The following ZNF365 variants were observed in gnomAD, a reference collection of about 807,000 sequenced individuals.
ZNF365 encodes protein ZNF365.
In ZNF365, 22 loss-of-function variants were observed where a neutral mutation model predicts 35.0. That is an observed-to-expected ratio of 0.63 (90% CI 0.45 to 0.90). The LOEUF is 0.90. Ranked by LOEUF, ZNF365 falls within the 40% of genes least tolerant of loss-of-function variation. ZNF365 has a pLI of 0.00. For synonymous variants in ZNF365, 188 were observed against 196.2 expected (o/e 0.96, Z 0.35); for missense variants, 448 against 500.3 (o/e 0.90, Z 1.00).
At chr10:62,454,054 T>G (rs1840725301) in intron 3 of ZNF365, among the ~76,000 whole-genome samples, 3 of 152,284 alleles carry the variant, frequency 2.0e-5, no homozygotes, top group Admixed American at 2.0e-4. Flanking sequence ...CTTTTTTCAT[T>G]TTTTCCTTTT....
intron 3 of ZNF365, among the ~76,000 whole-genome samples, chr10:62,397,186 G>A (rs1380718476): frequency 2.0e-5 from 3 of 152,170 alleles, no homozygotes; most frequent in East Asian, 3.9e-4. Context: ...TAGCCTGCAT[G>A]AGCAGGCTCA....
At chr10:62,454,421 C>T (rs538236268) in intron 3 of ZNF365, among the ~76,000 whole-genome samples, 1 of 152,314 alleles carries the variant, frequency 6.6e-6, no homozygotes, top group South Asian at 2.1e-4. Flanking sequence ...CACAGTGACA[C>T]CTTTGGACAC....
intron 3 of ZNF365, among the ~76,000 whole-genome samples, chr10:62,449,237 CTCTT>C (rs1840639699): frequency 6.6e-6 from 1 of 152,030 alleles, no homozygotes; most frequent in East Asian, 1.9e-4. Flanking sequence ...TTCCTTTTCT[CTCTT>C]TGTCTCAAAC....
intron 4 of ZNF365, among the ~76,000 whole-genome samples, chr10:62,465,054 T>A (rs1030002777): frequency 1.3e-5 from 2 of 152,194 alleles, no homozygotes; most frequent in African/African-American, 4.8e-5. Context: ...CAGCTCCAGA[T>A]CCAAGCATCC....
downstream of ZNF365, among the ~76,000 whole-genome samples, chr10:62,402,936 C>T (rs1457331707): frequency 2.0e-5 from 3 of 152,152 alleles, no homozygotes; most frequent in East Asian, 5.8e-4. Context: ...ATTTAGGGAA[C>T]TCCATTTGTT....
chr10:62,455,591 T>G (rs1840749356), intron 3 of ZNF365, among the ~76,000 whole-genome samples: 1 of 151,798 alleles, frequency 6.6e-6, no homozygotes, highest in East Asian at 1.9e-4. Flanking sequence ...TATTTATATT[T>G]AAATACTGAT....
At chr10:62,414,920 T>C (rs1840049115) in intron 3 of ZNF365, among the ~76,000 whole-genome samples, 1 of 152,196 alleles carries the variant, frequency 6.6e-6, no homozygotes, top group Non-Finnish European at 1.5e-5. Context: ...TTGAATATTT[T>C]CTATTGACCA....
intron 3 of ZNF365, 110 bp from the exon 4 acceptor site, chr10:62,398,630 A>T: frequency 1.1e-6 from 1 of 946,006 alleles, no homozygotes; most frequent in Non-Finnish European, 1.6e-6. Context: ...AGTAGCAGTC[A>T]CTGACTCCCT....
At chr10:62,468,950 C>T (rs1564601859) in intron 4 of ZNF365, among the ~76,000 whole-genome samples, 3 of 152,200 alleles carry the variant, frequency 2.0e-5, no homozygotes, top group Non-Finnish European at 2.9e-5. Context: ...TCCTGAAACA[C>T]TTCTTTGAAG....
At chr10:62,439,744 T>C (rs1000258015) in intron 3 of ZNF365, among the ~76,000 whole-genome samples, 1 of 152,248 alleles carries the variant, frequency 6.6e-6, no homozygotes, top group Non-Finnish European at 1.5e-5. Context: ...ATGACCATCC[T>C]CCAGCTTCTT....
chr10:62,437,276 G>C (rs963948955), intron 3 of ZNF365, among the ~76,000 whole-genome samples: 1 of 152,098 alleles, frequency 6.6e-6, no homozygotes, highest in Non-Finnish European at 1.5e-5. Flanking sequence ...GTAGCAGTTT[G>C]GCTGAATTTA....
rs763554756 is a variant in ZNF365 at position 62,399,525 on chromosome 10, T to C, written c.963-3T>C. The stretch of plus-strand genomic sequence containing the variant: ...CTCCACTCCCCCCTCCAACCCTCTG[T>C]AGAAGCCGAGGGCACCCGCATTCGG... On this transcript the variant is annotated splice_polypyrimidine_tract_variant and splice_region_variant and intron_variant, in intron 4 of 4. Coordinates refer to ENST00000395254, the MANE Select transcript of ZNF365 (RefSeq NM_014951.3). 5 of 1,613,744 alleles carry C rather than the reference T, an allele frequency of 3.1e-6. No homozygotes were observed. In the South Asian group the frequency reaches 3.3e-5, roughly 11 times the overall value.
rs570545435 is a variant in ZNF365 at position 62,388,924 on chromosome 10, TATC to T, written c.924+351_924+353del. Among the ~76,000 whole-genome samples, 31 of 152,324 alleles carry T rather than the reference TATC, an allele frequency of 2.0e-4. 2 individuals are homozygous for T. The South Asian group carries it at 4.8e-3, about 23-fold the overall frequency. On this transcript the variant is annotated intron_variant, in intron 3 of 4. Coordinates refer to ENST00000395254, the MANE Select transcript of ZNF365 (RefSeq NM_014951.3). The stretch of plus-strand genomic sequence containing the variant: ...GATGTTCAAGTAGCTCAGAAGTTAT[TATC>T]ATGTTTTGGAGGTCTTCAAGAGAAT...
intron 4 of ZNF365, among the ~76,000 whole-genome samples, chr10:62,469,746 A>T (rs1026232803): frequency 6.6e-6 from 1 of 152,174 alleles, no homozygotes; most frequent in South Asian, 2.1e-4. Flanking sequence ...CACTTTATAG[A>T]AACTATCTCA....
rs1437042767 is a variant in ZNF365 at position 62,402,327 on chromosome 10, G to T, written c.*2538G>T. On this transcript the variant is annotated 3_prime_UTR_variant, in exon 5 of 5. Transcript: ENST00000395254. Reference sequence around the variant, plus strand: ...TTATCTGCAAGGTTCAAGTTGCTTAGACATTGTTTTCCAGTATTCTGCAGG... The same window carrying T: ...TTATCTGCAAGGTTCAAGTTGCTTATACATTGTTTTCCAGTATTCTGCAGG... 9.1e-6 allele frequency: 9 copies of T among 985,432 alleles called. No individual in the cohort carries two copies. Among genetic ancestry groups the T allele is most frequent in the South Asian group, 9.4e-5 (2 of 21,288 alleles). 61.0% of individuals were successfully genotyped at this position (985,432 alleles called of 1,614,324 possible). A position where few individuals can be genotyped will look rare whatever the true frequency, so the allele number is the denominator to read the frequency against.
At chr10:62,428,088 A>C (rs1433977632) in intron 3 of ZNF365, among the ~76,000 whole-genome samples, 1 of 152,148 alleles carries the variant, frequency 6.6e-6, no homozygotes, top group Non-Finnish European at 1.5e-5. Flanking sequence ...TATAGTGTTG[A>C]TCCTACGTGA....
Position 62,376,491 on chromosome 10 carries a change from A to T in ZNF365, c.298A>T (p.Asn100Tyr). The change falls in exon 2 of 5, where the codon AAC (asparagine) becomes TAC (tyrosine). Residue 100 changes from asparagine (N) to tyrosine (Y), a missense_variant. Physicochemically the swap from Asn to Tyr is moderately radical, Grantham distance 143 (BLOSUM62 -2). Around this residue, in one of 3 missense-constraint regions of ZNF365, gnomAD observed 10 missense variants for 27.9 expected, o/e 0.36. Transcript: ENST00000395254. Reference sequence around the variant, plus strand: ...GGTAAAGCAGAAACCGAGCTATGTTAACTTGTACAGCATTTCACATGAACA... The same window carrying T: ...GGTAAAGCAGAAACCGAGCTATGTTTACTTGTACAGCATTTCACATGAACA... Reference protein sequence around the residue: ...NVVKQKPSYVNLYSISHEHSK... With the variant: ...NVVKQKPSYVYLYSISHEHSK... 6.2e-7 allele frequency: 1 copy of T among 1,614,158 alleles called. No homozygotes were observed. Among genetic ancestry groups the T allele is most frequent in the Non-Finnish European group, 8.5e-7 (1 of 1,180,042 alleles).
rs531784072 is a variant in ZNF365 at position 62,449,767 on chromosome 10, A to G, written c.925-9974A>G. On this transcript the variant is annotated intron_variant, in intron 3 of 4. Transcript: ENST00000395255. ...CCTCAAAGTAGTTCCTCAATCTCCA[A>G]ATCTTCCCAGTTGGTCAACTTTTTT... 2.6e-5 allele frequency among the ~76,000 whole-genome samples: 4 copies of G among 151,234 alleles called. No individual in the cohort carries two copies. The South Asian group carries it at 8.4e-4, about 32-fold the overall frequency.
intron 3 of ZNF365, among the ~76,000 whole-genome samples, chr10:62,410,536 G>T (rs975150302): frequency 6.6e-6 from 1 of 151,880 alleles, no homozygotes; most frequent in South Asian, 2.1e-4. Context: ...CTCCCCATAG[G>T]CACCTGTGTG....
Sources: gnomAD v4.1 joint callset for allele counts (sites outside exome capture counted in the v4.1 genomes callset) on GRCh38, gnomAD v4.1.1 for gene constraint, gnomAD v4.1.1 regional missense constraint, MANE v1.5 for transcripts, NCBI Gene and HGNC (gene_info 2026-07-23, HGNC 2026-07-21) for gene names.